The following MAGI3 variants were observed in gnomAD, a reference collection of about 807,000 sequenced individuals.
MAGI3 encodes membrane associated guanylate kinase, WW and PDZ domain containing 3, also known as membrane-associated guanylate kinase, WW and PDZ domain-containing protein 3.
MAGI3 carries 43 observed loss-of-function variants against 121.8 expected under a neutral mutation model. The ratio of observed to expected loss-of-function variants is 0.35; its 90% CI spans 0.28 to 0.46. MAGI3 has a LOEUF of 0.46. Among genes scored for constraint, MAGI3 ranks in the 20% least tolerant of loss-of-function variants. MAGI3 has a pLI of 1.00. For synonymous variants in MAGI3, 553 were observed against 639.3 expected, an observed-to-expected ratio of 0.86 and a Z score of 2.04; for missense variants, 1,547 against 1,797.3, an observed-to-expected ratio of 0.86 and a Z score of 2.52.
intron 6 of MAGI3, among the ~76,000 whole-genome samples, chr1:113,600,880 C>G (rs1184618716): frequency 2.6e-5 from 4 of 152,116 alleles, no homozygotes; most frequent in Admixed American, 6.5e-5. Flanking sequence ...AGATATAGAT[C>G]AATGGGACAG....
intron 1 of MAGI3, among the ~76,000 whole-genome samples, chr1:113,521,763 A>G (rs1403781209): frequency 2.6e-5 from 4 of 152,204 alleles, no homozygotes; most frequent in East Asian, 1.9e-4. Flanking sequence ...TGAATTTTAT[A>G]TAAAGCTTTA....
At chr1:113,664,853 G>A (rs1653954055) in intron 16 of MAGI3, among the ~76,000 whole-genome samples, 1 of 152,016 alleles carries the variant, frequency 6.6e-6, no homozygotes, top group East Asian at 1.9e-4. Context: ...CTGTGTTGTT[G>A]ATATTTATTG....
In MAGI3 at chr1:113,401,969, G is replaced by A. The variant is rs528536823; in HGVS notation, c.316+10620G>A. On this transcript the variant is annotated intron_variant, in intron 1 of 20. Coordinates refer to ENST00000307546, the MANE Select transcript of MAGI3 (RefSeq NM_001142782.2). Reference sequence around the variant, plus strand: ...TTACGCTGTTATGTTTTCTCTCTGGGCTAAAGTCAGTCACTTGAGTGGAAG... The same window carrying A: ...TTACGCTGTTATGTTTTCTCTCTGGACTAAAGTCAGTCACTTGAGTGGAAG... Among the ~76,000 whole-genome samples, 4 of 152,224 alleles carry A rather than the reference G, an allele frequency of 2.6e-5. No homozygotes were observed. In the South Asian group the frequency reaches 6.2e-4, roughly 24 times the overall value.
chr1:113,586,170 G>A (rs1172873369), intron 4 of MAGI3, among the ~76,000 whole-genome samples: 2 of 152,124 alleles, frequency 1.3e-5, no homozygotes, highest in Admixed American at 1.3e-4. Flanking sequence ...TGCTTAGAGG[G>A]TTATTAGACT....
At chr1:113,427,105 T>C (rs975693296) in intron 1 of MAGI3, among the ~76,000 whole-genome samples, 71 of 152,146 alleles carry the variant, frequency 4.7e-4, no homozygotes, top group Non-Finnish European at 2.1e-4. Context: ...ATTTCAATGA[T>C]GTTTAAGTCC....
intron 7 of MAGI3, among the ~76,000 whole-genome samples, chr1:113,617,075 G>T (rs1309186257): frequency 6.6e-6 from 1 of 152,034 alleles, no homozygotes; most frequent in African/African-American, 2.4e-5. Flanking sequence ...TTTTAGTAGA[G>T]ATGGGGTTTC....
intron 1 of MAGI3, among the ~76,000 whole-genome samples, chr1:113,470,997 C>G (rs1447216865): frequency 6.6e-6 from 1 of 152,146 alleles, no homozygotes; most frequent in Non-Finnish European, 1.5e-5. Context: ...ATTGCCCAGA[C>G]CAATGTAAAA....
chr1:113,425,964 T>C (rs948298387), intron 1 of MAGI3, among the ~76,000 whole-genome samples: 6 of 152,300 alleles, frequency 3.9e-5, no homozygotes, highest in Non-Finnish European at 7.4e-5. Flanking sequence ...TATTTAGCTC[T>C]TCTTTTTCTA....
intron 1 of MAGI3, among the ~76,000 whole-genome samples, chr1:113,490,971 G>A (rs1038910771): frequency 6.6e-6 from 1 of 151,964 alleles, no homozygotes; most frequent in Non-Finnish European, 1.5e-5. Context: ...TTAGATAATT[G>A]AGCCAGAAAA....
intron 1 of MAGI3, among the ~76,000 whole-genome samples, chr1:113,511,577 T>A (rs902330558): frequency 1.2e-4 from 18 of 152,226 alleles, no homozygotes; most frequent in African/African-American, 4.1e-4. Context: ...TCTGTGTCCT[T>A]TCCCCATTGG....
chr1:113,669,293 G>C (rs778011822), intron 16 of MAGI3, among the ~76,000 whole-genome samples: 2 of 152,210 alleles, frequency 1.3e-5, no homozygotes, highest in Non-Finnish European at 2.9e-5. Flanking sequence ...GGAATATCGA[G>C]ATAACTGAGA....
At chr1:113,557,595 G>A (rs1165056841) in intron 2 of MAGI3, among the ~76,000 whole-genome samples, 1 of 152,192 alleles carries the variant, frequency 6.6e-6, no homozygotes, top group Non-Finnish European at 1.5e-5. Context: ...GAGTGCCTGA[G>A]GGGTGGGCAA....
Position 113,476,200 on chromosome 1 carries a change from G to T in MAGI3, c.317-73315G>T, listed in dbSNP as rs1557777109. On this transcript the variant is annotated intron_variant, in intron 1 of 20. Coordinates refer to ENST00000307546, the MANE Select transcript of MAGI3 (RefSeq NM_001142782.2). ...CTAGATTCATTGATTTTTTTGAAGG[G>T]TTTTTTGTGTCTCCATCTCTTTCAC... Among the ~76,000 whole-genome samples, 3 of 151,982 alleles carry T rather than the reference G, an allele frequency of 2.0e-5. No homozygotes were observed. In the South Asian group the frequency reaches 6.2e-4, roughly 32 times the overall value.
rs996548444 is a variant in MAGI3 at position 113,660,937 on chromosome 1, C to T, written c.2815+1672C>T. Reference sequence around the variant, plus strand: ...TTTTTTGAATGAAGGAATGAGTAAACGAATGAGTGAACAAAGTAAAAGTTA... The same window carrying T: ...TTTTTTGAATGAAGGAATGAGTAAATGAATGAGTGAACAAAGTAAAAGTTA... On this transcript the variant is annotated intron_variant, in intron 16 of 20. Transcript: ENST00000307546. 2.3e-4 allele frequency among the ~76,000 whole-genome samples: 35 copies of T among 151,860 alleles called. 1 individual carries two copies. The highest frequency in any genetic ancestry group is 8.0e-4 in the African/African-American group (33 of 41,396).
At chr1:113,557,266 C>G (rs1329948677) in intron 2 of MAGI3, among the ~76,000 whole-genome samples, 2 of 152,204 alleles carry the variant, frequency 1.3e-5, no homozygotes, top group Non-Finnish European at 2.9e-5. Flanking sequence ...GCCATGCCCA[C>G]TGGCACATAC....
intron 4 of MAGI3, among the ~76,000 whole-genome samples, chr1:113,589,798 A>G (rs1238475823): frequency 2.6e-5 from 4 of 152,154 alleles, no homozygotes; most frequent in Non-Finnish European, 4.4e-5. Context: ...CTCCCTAGAC[A>G]GTACCCAAAT....
intron 19 of MAGI3, among the ~76,000 whole-genome samples, chr1:113,678,114 T>G (rs892047435): frequency 2.4e-5 from 2 of 82,710 alleles, no homozygotes; most frequent in Non-Finnish European, 6.3e-5. Context: ...GTTTTTGTTG[T>G]TTTTTTTTTT....
intron 1 of MAGI3, among the ~76,000 whole-genome samples, chr1:113,522,079 AAC>A (rs1183211647): frequency 2.0e-5 from 3 of 151,894 alleles, no homozygotes; most frequent in African/African-American, 7.3e-5. Context: ...TTTTTACACT[AAC>A]ACGTGTATTT....
chr1:113,586,491 A>C (rs1648373357), intron 4 of MAGI3, among the ~76,000 whole-genome samples: 1 of 152,296 alleles, frequency 6.6e-6, no homozygotes. Flanking sequence ...CCCACTCCAG[A>C]GTGTGAGTTC....
Sources: gnomAD v4.1 joint callset for allele counts (sites outside exome capture counted in the v4.1 genomes callset) on GRCh38, gnomAD v4.1.1 for gene constraint, MANE v1.5 for transcripts, NCBI Gene and HGNC (gene_info 2026-07-23, HGNC 2026-07-21) for gene names.